DHRS3: variants seen among roughly 807,000 people sequenced by gnomAD.
DHRS3 encodes short-chain dehydrogenase/reductase 3.
DHRS3 carries 14 observed loss-of-function variants against 27.2 expected under a neutral mutation model. The ratio of observed to expected loss-of-function variants is 0.52; its 90% CI spans 0.34 to 0.81. The LOEUF is 0.81. Among genes scored for constraint, DHRS3 ranks in the 30% least tolerant of loss-of-function variants. The probability of loss-of-function intolerance (pLI) is 0.01; values close to 1 mark genes in which losing one functional copy is unlikely to be tolerated. For synonymous variants in DHRS3, 165 were observed against 175.9 expected (o/e 0.94, Z 0.49); for missense variants, 322 against 406.2 (o/e 0.79, Z 1.78).
intron 1 of DHRS3, among the ~76,000 whole-genome samples, chr1:12,616,041 C>T (rs181805981): frequency 6.6e-6 from 1 of 152,148 alleles, no homozygotes; most frequent in African/African-American, 2.4e-5. Flanking sequence ...AGAGCCACCC[C>T]GGAGGAATTG....
intron 1 of DHRS3, among the ~76,000 whole-genome samples, chr1:12,601,852 G>C (rs115809579): frequency 6.6e-6 from 1 of 152,204 alleles, no homozygotes; most frequent in Non-Finnish European, 1.5e-5. Flanking sequence ...AGGTTACTTC[G>C]AGTAGTAAAT....
At chr1:12,603,076 G>A (rs988945661) in intron 1 of DHRS3, among the ~76,000 whole-genome samples, 1 of 152,234 alleles carries the variant, frequency 6.6e-6, no homozygotes, top group Non-Finnish European at 1.5e-5. Context: ...AGCCCCGCTT[G>A]GGCATTCAGA....
chr1:12,593,316 C>T lies in DHRS3; in HGVS notation c.196-12650G>A, dbSNP rs1418410552. ...ACTGGCTGCTCTCTGTTCTCTTTTC[C>T]CAAGTATCCCTCTCCTTGTAGGGCA... On this transcript the variant is annotated intron_variant, in intron 1 of 5. Transcript: ENST00000616661. This position sits in a 1 kb window ranked among gnomAD's most constrained non-coding sequence, Gnocchi z 4.6. Among the ~76,000 whole-genome samples, 1 of 152,142 alleles carries T rather than the reference C, an allele frequency of 6.6e-6. No homozygotes were observed. Among genetic ancestry groups the T allele is most frequent in the East Asian group, 1.9e-4 (1 of 5,196 alleles).
rs761220138 is a variant in DHRS3 at position 12,568,206 on chromosome 1, C to T, written c.*134G>A. 8.6e-5 allele frequency: 73 copies of T among 848,884 alleles called. No homozygotes were observed. Among genetic ancestry groups the T allele is most frequent in the African/African-American group, 3.5e-4 (21 of 59,860 alleles). 52.6% of individuals were successfully genotyped at this position (848,884 alleles called of 1,614,324 possible). ...GTCCTGGGACTGGCCCAGGGGCAGC[C>T]GGATTCTTCGCTGGGGACAGGAGCT... On this transcript the variant is annotated 3_prime_UTR_variant, in exon 6 of 6. Transcript: ENST00000616661.
rs1202766138 is a variant in DHRS3, at chr1:12,578,721, ACT to A, written c.693_694del (p.Arg231SerfsTer76). On this transcript the variant is annotated frameshift_variant, in exon 4 of 6. Transcript: ENST00000616661. LOFTEE classifies it high-confidence loss of function. The surrounding 1 kb of genome is among the most constrained non-coding windows in gnomAD (Gnocchi z 4.5). ...GGTGGGTCCCCTGCTCACTGACCTG[ACT>A]CTCATGCCCTGGAACATCTCGGTGC... The A allele has an allele frequency of 1.2e-6, 2 of 1,609,950 alleles. No homozygotes were observed. Among genetic ancestry groups the A allele is most frequent in the African/African-American group, 1.3e-5 (1 of 74,494 alleles).
Position 12,606,340 on chromosome 1 carries a change from T to C in DHRS3, c.195+10814A>G, listed in dbSNP as rs1477847983. On this transcript the variant is annotated intron_variant, in intron 1 of 5. Coordinates refer to ENST00000616661, the MANE Select transcript of DHRS3 (RefSeq NM_004753.7). ...AAAAAAAAAAAAAAAGCCAATACCA[T>C]AGACATCTCCATTGGTTCAGCATAC... is the stretch of plus-strand genomic sequence containing the variant. Among the ~76,000 whole-genome samples the C allele has an allele frequency of 2.9e-5, 4 of 136,632 alleles. No homozygotes were observed. The East Asian group carries it at 6.7e-4, about 23-fold the overall frequency. The allele number at this position is 136,632 out of a possible 152,430, so 89.6% of individuals were successfully genotyped here.
At chr1:12,615,019 T>TG (rs1646935166) in intron 1 of DHRS3, among the ~76,000 whole-genome samples, 1 of 152,170 alleles carries the variant, frequency 6.6e-6, no homozygotes, top group Non-Finnish European at 1.5e-5. Flanking sequence ...CTTGACCCTT[T>TG]GTTCCCAACC....
At chr1:12,582,875 C>CCATCCATCCA (rs1570367131) in intron 1 of DHRS3, among the ~76,000 whole-genome samples, 20 of 137,784 alleles carry the variant, frequency 1.5e-4, no homozygotes, top group East Asian at 2.4e-4. Flanking sequence ...CCATCCATCC[C>CCATCCATCCA]TCCCTCCCTC....
intron 2 of DHRS3, 108 bp downstream of exon 2, chr1:12,580,415 A>G (rs748279411): frequency 6.5e-7 from 1 of 1,531,906 alleles, no homozygotes; most frequent in South Asian, 1.2e-5. Context: ...GGGCAAAGCC[A>G]TTCTGCCATA....
rs1421717840 is a variant in DHRS3 at position 12,579,061 on chromosome 1, G to A, written c.460-105C>T. The A allele has an allele frequency of 2.4e-6, 3 of 1,265,320 alleles. No homozygotes were observed. The Admixed American group carries it at 6.0e-5, about 25-fold the overall frequency. The allele number at this position is 1,265,320 out of a possible 1,614,324, so 78.4% of individuals were successfully genotyped here. A position where few individuals can be genotyped will look rare whatever the true frequency, so the allele number is the denominator to read the frequency against. ...ACCCCGGACACACATGATGCTCTAG[G>A]GCCCGAGCCTTCCTGCGAGGGAGAG... is the stretch of plus-strand genomic sequence containing the variant. On this transcript the variant is annotated intron_variant, in intron 3 of 5. Coordinates refer to ENST00000616661, the MANE Select transcript of DHRS3 (RefSeq NM_004753.7).
At chr1:12,572,622 C>T (rs552867095) in intron 5 of DHRS3, 106 bp downstream of exon 5, 1 of 1,512,906 alleles carries the variant, frequency 6.6e-7, no homozygotes, top group East Asian at 2.5e-5. Context: ...AGTACATCAG[C>T]AGCAAATGTG....
Position 12,573,213 on chromosome 1 carries a change from A to G in DHRS3, c.699-360T>C, listed in dbSNP as rs183784189. Among the ~76,000 whole-genome samples, 4 of 152,298 alleles carry G rather than the reference A, an allele frequency of 2.6e-5. No homozygotes were observed. In the East Asian group the frequency reaches 5.8e-4, roughly 22 times the overall value. On this transcript the variant is annotated intron_variant, in intron 4 of 5. Coordinates refer to ENST00000616661, the MANE Select transcript of DHRS3 (RefSeq NM_004753.7). The stretch of plus-strand genomic sequence containing the variant: ...TCCCTACACTCTGCTCCTTCAGGAC[A>G]GGCCCATTTCTGTTCTTGTCACATC...
chr1:12,615,308 C>G (rs1335131375), intron 1 of DHRS3, among the ~76,000 whole-genome samples: 8 of 152,198 alleles, frequency 5.3e-5, no homozygotes, highest in Non-Finnish European at 8.8e-5. Context: ...CGAAGTTTCA[C>G]AGGCCCCCAT....
At chr1:12,575,756 G>A (rs1646580814) in intron 4 of DHRS3, among the ~76,000 whole-genome samples, 1 of 152,000 alleles carries the variant, frequency 6.6e-6, no homozygotes, top group South Asian at 2.1e-4. Context: ...GCCCAGGCTG[G>A]AGTGCAATTG....
At chr1:12,604,990 T>A (rs1030636601) in intron 1 of DHRS3, among the ~76,000 whole-genome samples, 1 of 148,590 alleles carries the variant, frequency 6.7e-6, no homozygotes, top group Non-Finnish European at 1.5e-5. Context: ...GGCAGGAGAA[T>A]CGTTTGAACC....
In DHRS3 at chr1:12,591,409, G is replaced by T. The variant is rs186834212; in HGVS notation, c.196-10743C>A. On this transcript the variant is annotated intron_variant, in intron 1 of 5. Transcript: ENST00000616661. The surrounding 1 kb of genome is among the most constrained non-coding windows in gnomAD (Gnocchi z 4.1). ...GCCTGCCGAGAATGTTTTGGCTACC[G>T]CTGGCTCAGCTGTTGGGGAGGATTG... Among the ~76,000 whole-genome samples the T allele has an allele frequency of 2.0e-5, 3 of 152,228 alleles. No homozygotes were observed. Among genetic ancestry groups the T allele is most frequent in the African/African-American group, 7.2e-5 (3 of 41,456 alleles).
At chr1:12,605,487 A>C (rs1052171566) in intron 1 of DHRS3, among the ~76,000 whole-genome samples, 2 of 152,228 alleles carry the variant, frequency 1.3e-5, no homozygotes, top group African/African-American at 4.8e-5. Context: ...GTATATTAAC[A>C]GTACCATGTA....
At position 12,583,616 on chromosome 1, in the gene DHRS3, T is replaced by A. The variant is rs1646666617; in HGVS notation, c.196-2950A>T. Among the ~76,000 whole-genome samples, 2 of 135,432 alleles carry A rather than the reference T, an allele frequency of 1.5e-5. 1 individual carries two copies. The highest frequency in any genetic ancestry group is 5.4e-4 in the South Asian group (2 of 3,736). 88.8% of individuals were successfully genotyped at this position (135,432 alleles called of 152,430 possible). A position where few individuals can be genotyped will look rare whatever the true frequency, so the allele number is the denominator to read the frequency against. On this transcript the variant is annotated intron_variant, in intron 1 of 5. Coordinates refer to ENST00000616661, the MANE Select transcript of DHRS3 (RefSeq NM_004753.7). ...ATCCATCCATCCATCCATCCATCCATCCATCCATCCATCCATCCCTCCCTC... is the reference window on the plus strand; with the variant it reads ...ATCCATCCATCCATCCATCCATCCAACCATCCATCCATCCATCCCTCCCTC...
chr1:12,572,662 A>G, intron 5 of DHRS3, 66 bp downstream of exon 5: 1 of 1,544,526 alleles, frequency 6.5e-7, no homozygotes, highest in Non-Finnish European at 8.8e-7. Flanking sequence ...TGCCCGCAGC[A>G]GACATGACTA....
Sources: gnomAD v4.1 joint callset for allele counts (sites outside exome capture counted in the v4.1 genomes callset) on GRCh38, gnomAD v4.1.1 for gene constraint, Gnocchi (gnomAD v3.1) non-coding constraint, MANE v1.5 for transcripts, NCBI Gene and HGNC (gene_info 2026-07-23, HGNC 2026-07-21) for gene names.